The following MEGF10 variants were observed in gnomAD, a reference collection of about 807,000 sequenced individuals.
The protein encoded by MEGF10 is multiple epidermal growth factor-like domains protein 10.
A neutral mutation model predicts 147.5 loss-of-function variants in MEGF10; 86 were observed. The ratio of observed to expected loss-of-function variants is 0.58; its 90% CI spans 0.49 to 0.70. The LOEUF is 0.70. MEGF10 is among the 30% of genes least tolerant of loss of function. The pLI, the probability that MEGF10 is intolerant of heterozygous loss-of-function variation, is 0.00. For synonymous variants in MEGF10, 478 were observed against 525.5 expected (o/e 0.91, Z 1.24); for missense variants, 1,329 against 1,487.3 (o/e 0.89, Z 1.75).
intron 9 of MEGF10, among the ~76,000 whole-genome samples, chr5:127,415,931 A>T (rs1338175243): frequency 1.3e-5 from 2 of 151,146 alleles, no homozygotes; most frequent in Non-Finnish European, 2.9e-5. Context: ...TAACTTCTAG[A>T]TAAACTAAGT....
intron 5 of MEGF10, among the ~76,000 whole-genome samples, chr5:127,375,658 T>G (rs1580782763): frequency 6.6e-6 from 1 of 152,248 alleles, no homozygotes; most frequent in East Asian, 1.9e-4. Flanking sequence ...AGCTCTGTTC[T>G]TCCCCCCATC....
chr5:127,377,560 G>A (rs1763079945), intron 5 of MEGF10, among the ~76,000 whole-genome samples: 1 of 152,192 alleles, frequency 6.6e-6, no homozygotes. Context: ...ACATTTTCAG[G>A]TGCAGCGTAA....
chr5:127,451,658 A>G (rs1766159387), intron 22 of MEGF10, among the ~76,000 whole-genome samples: 1 of 152,240 alleles, frequency 6.6e-6, no homozygotes. Context: ...AAGATACGGC[A>G]TCACTGTACT....
chr5:127,449,051 C>A, intron 21 of MEGF10, 48 bp from the exon 22 acceptor site: 1 of 1,607,690 alleles, frequency 6.2e-7, no homozygotes. Context: ...CTGTGCTGTG[C>A]CGCATTGTAT....
At chr5:127,269,879 A>G in the MEGF10 span, among the ~76,000 whole-genome samples, 1 of 152,236 alleles carries the variant, frequency 6.6e-6, no homozygotes, top group Admixed American at 6.5e-5. Flanking sequence ...CTAACAGTGG[A>G]TCTCTCAGCA....
At position 127,451,377 on chromosome 5, in the gene MEGF10, G is replaced by A. The variant is rs997976194; in HGVS notation, c.2980+2155G>A. On this transcript the variant is annotated intron_variant, in intron 22 of 24. Coordinates refer to ENST00000503335, the MANE Select transcript of MEGF10 (RefSeq NM_001256545.2). ...CCATAGTGTAGTCGTTATCACGCTCGCTGTACAAATTCCTAACTTTTATCT... is the reference window on the plus strand; with the variant it reads ...CCATAGTGTAGTCGTTATCACGCTCACTGTACAAATTCCTAACTTTTATCT... Among the ~76,000 whole-genome samples the A allele has an allele frequency of 5.3e-5, 8 of 152,006 alleles. No homozygotes were observed. The South Asian group carries it at 1.2e-3, about 24-fold the overall frequency.
At chr5:127,237,625 G>A in the MEGF10 span, among the ~76,000 whole-genome samples, 13,443 of 152,266 alleles carry the variant, frequency 0.088, 917 homozygotes, top group African/African-American at 0.19. Context: ...GAGTTGGGGA[G>A]ACAATAATGA....
the MEGF10 span, among the ~76,000 whole-genome samples, chr5:127,263,020 C>T: frequency 1.3e-5 from 2 of 152,010 alleles, no homozygotes; most frequent in African/African-American, 4.8e-5. Flanking sequence ...AAAGTAACAA[C>T]AAAAAAGTCC....
intron 1 of MEGF10, among the ~76,000 whole-genome samples, chr5:127,330,815 T>C (rs534312364): frequency 5.3e-5 from 8 of 152,134 alleles, no homozygotes; most frequent in Non-Finnish European, 1.0e-4. Context: ...GTGCATTGAG[T>C]GACTTATCAA....
the MEGF10 span, among the ~76,000 whole-genome samples, chr5:127,247,954 C>T: frequency 2.6e-5 from 4 of 151,948 alleles, no homozygotes; most frequent in African/African-American, 9.7e-5. Flanking sequence ...CACGTCAGGT[C>T]GAGATTCTGC....
At chr5:127,253,815 T>C in the MEGF10 span, among the ~76,000 whole-genome samples, 1 of 152,088 alleles carries the variant, frequency 6.6e-6, no homozygotes, top group Non-Finnish European at 1.5e-5. Context: ...TCAACCATGT[T>C]TCTAGAGGAA....
intron 16 of MEGF10, 84 bp downstream of exon 16, chr5:127,435,573 A>G: frequency 1.5e-6 from 2 of 1,321,290 alleles, no homozygotes; most frequent in South Asian, 1.6e-5. Context: ...GAGTGTTTTT[A>G]TATAATCAAG....
the MEGF10 span, among the ~76,000 whole-genome samples, chr5:127,273,366 C>G: frequency 2.0e-5 from 3 of 152,190 alleles, no homozygotes; most frequent in Non-Finnish European, 2.9e-5. Flanking sequence ...AAAAACTCGA[C>G]ATGGGTCGAG....
chr5:127,440,289 A>C (rs891271217), intron 17 of MEGF10, among the ~76,000 whole-genome samples: 1 of 152,242 alleles, frequency 6.6e-6, no homozygotes, highest in African/African-American at 2.4e-5. Context: ...TACAGTGGAC[A>C]AGGCTAGTAG....
chr5:127,272,410 G>A, the MEGF10 span, among the ~76,000 whole-genome samples: 2 of 152,092 alleles, frequency 1.3e-5, no homozygotes, highest in Non-Finnish European at 1.5e-5. Context: ...GGCTACTCAG[G>A]CTCTTTTTGG....
At chr5:127,314,029 C>G (rs965470239) in intron 1 of MEGF10, among the ~76,000 whole-genome samples, 1 of 152,232 alleles carries the variant, frequency 6.6e-6, no homozygotes, top group South Asian at 2.1e-4. Context: ...CAACCAAGGG[C>G]GGCCCTGAGC....
At chr5:127,263,720 G>A in the MEGF10 span, among the ~76,000 whole-genome samples, 2 of 151,998 alleles carry the variant, frequency 1.3e-5, no homozygotes, top group Non-Finnish European at 2.9e-5. Context: ...TTACTGTGTT[G>A]GTTTTTAGGC....
chr5:127,306,435 C>G (rs1337531452), intron 1 of MEGF10, among the ~76,000 whole-genome samples: 1 of 152,192 alleles, frequency 6.6e-6, no homozygotes, highest in Non-Finnish European at 1.5e-5. Flanking sequence ...CAAGCAACTT[C>G]CCAATCTGTG....
intron 2 of MEGF10, among the ~76,000 whole-genome samples, chr5:127,335,430 CA>C (rs1761423358): frequency 1.3e-5 from 2 of 152,140 alleles, no homozygotes; most frequent in South Asian, 4.1e-4. Flanking sequence ...AATTAAGTTC[CA>C]TCAGCAGCCT....
Sources: allele counts gnomAD v4.1 joint callset (sites outside exome capture counted in the v4.1 genomes callset), GRCh38; gene constraint gnomAD v4.1.1; transcripts MANE v1.5; gene names NCBI Gene and HGNC (gene_info 2026-07-23, HGNC 2026-07-21).